The following RET variants were observed in gnomAD, a reference collection of about 807,000 sequenced individuals.
The protein encoded by RET is proto-oncogene tyrosine-protein kinase receptor Ret.
Under a neutral mutation model 118.3 loss-of-function variants are expected in RET, and 19 were observed. That is an observed-to-expected ratio of 0.16 (90% CI 0.11 to 0.24). The LOEUF (loss-of-function observed/expected upper bound fraction) is 0.24. Ranked by LOEUF, RET falls within the 10% of genes least tolerant of loss-of-function variation. The pLI is 1.00. For synonymous variants in RET, 597 were observed against 644.1 expected, an observed-to-expected ratio of 0.93 and a Z score of 1.11; for missense variants, 1,219 against 1,502.1, an observed-to-expected ratio of 0.81 and a Z score of 3.12.
chr10:43,095,494 A>T (rs1837503549), intron 1 of RET, among the ~76,000 whole-genome samples: 1 of 152,140 alleles, frequency 6.6e-6, no homozygotes, highest in South Asian at 2.1e-4. Flanking sequence ...GAGTGTGTGG[A>T]TTGACAAGGT....
chr10:43,095,055 C>G (rs1160380509), intron 1 of RET, among the ~76,000 whole-genome samples: 1 of 152,098 alleles, frequency 6.6e-6, no homozygotes, highest in South Asian at 2.1e-4. Context: ...GTGGGGCACC[C>G]TCAGCTGCAG....
chr10:43,122,459 A>C (rs1159933127), intron 16 of RET, among the ~76,000 whole-genome samples: 1 of 152,138 alleles, frequency 6.6e-6, no homozygotes, highest in African/African-American at 2.4e-5. Context: ...GCCTTGTGTG[A>C]GTTTATAGAT....
rs889851602 is a variant in RET, at chr10:43,077,966, C to T, written c.73+635C>T. 1.6e-4 allele frequency among the ~76,000 whole-genome samples: 24 copies of T among 152,358 alleles called. 1 individual carries two copies. Among genetic ancestry groups the T allele is most frequent in the African/African-American group, 5.5e-4 (23 of 41,600 alleles). Reference sequence around the variant, plus strand: ...CCGCCGTGATAGGCGTCCCACCCGGCAGCCCTGGAGTCGTGTGGCGCTGCC... The same window carrying T: ...CCGCCGTGATAGGCGTCCCACCCGGTAGCCCTGGAGTCGTGTGGCGCTGCC... On this transcript the variant is annotated intron_variant, in intron 1 of 19. Transcript: ENST00000355710.
In RET at chr10:43,115,840, A is replaced by G. The variant is rs564936051; in HGVS notation, c.2137-744A>G. Among the ~76,000 whole-genome samples, 893 of 152,314 alleles carry G rather than the reference A, an allele frequency of 5.9e-3. 5 individuals are homozygous for G. Among genetic ancestry groups the G allele is most frequent in the Non-Finnish European group, 9.3e-3 (630 of 68,014 alleles). On this transcript the variant is annotated intron_variant, in intron 11 of 19. Coordinates refer to ENST00000355710, the MANE Select transcript of RET (RefSeq NM_020975.6). ...TGCCAGCTGTGGAGGTGACAGCGGC[A>G]GGGAAGCCATGGCAGTGTCGACACT...
Position 43,118,416 on chromosome 10 carries a change from C to G in RET, c.2328C>G (p.Phe776Leu). 1 of 1,614,152 alleles carries G rather than the reference C, an allele frequency of 6.2e-7. No homozygotes were observed. The highest frequency in any genetic ancestry group is 8.5e-7 in the Non-Finnish European group (1 of 1,180,026). Residue 776 changes from phenylalanine (F) to leucine (L), a missense_variant, in exon 13 of 20, where the codon TTC (phenylalanine) becomes TTG (leucine). Phe to Leu is a conservative substitution (Grantham distance 22). Around this residue, in one of 5 missense-constraint regions of RET, gnomAD observed 850 missense variants for 969.6 expected, o/e 0.88. Coordinates refer to ENST00000355710, the MANE Select transcript of RET (RefSeq NM_020975.6). ...AGCTGCGAGACCTGCTGTCAGAGTTCAACGTCCTGAAGCAGGTCAACCACC... is the reference window on the plus strand; with the variant it reads ...AGCTGCGAGACCTGCTGTCAGAGTTGAACGTCCTGAAGCAGGTCAACCACC... Reference protein sequence around the residue: ...PSELRDLLSEFNVLKQVNHPH... With the variant: ...PSELRDLLSELNVLKQVNHPH...
In RET at chr10:43,104,590, C is replaced by T. The variant is rs1170187935; in HGVS notation, c.626-362C>T. The T allele has an allele frequency of 1.5e-5, 6 of 405,088 alleles. 2 individuals carry two copies. In the South Asian group the frequency reaches 1.7e-4, roughly 11 times the overall value. The allele number at this position is 405,088 out of a possible 1,614,324, so 25.1% of individuals were successfully genotyped here. A position where few individuals can be genotyped will look rare whatever the true frequency, so the allele number is the denominator to read the frequency against. On this transcript the variant is annotated intron_variant, in intron 3 of 19. Transcript: ENST00000355710. ...AGTGCAGCTTGGGCTGAGGCAAAGCCACCCTTCCCCACACAAGGCCACTCC... is the reference window on the plus strand; with the variant it reads ...AGTGCAGCTTGGGCTGAGGCAAAGCTACCCTTCCCCACACAAGGCCACTCC...
At chr10:43,123,932 G>A in intron 17 of RET, 124 bp downstream of exon 17, 1 of 1,453,834 alleles carries the variant, frequency 6.9e-7, no homozygotes, top group South Asian at 1.2e-5. Context: ...GGAGTGGGCA[G>A]GGCAGAGGTT....
At position 43,077,826 on chromosome 10, in the gene RET, C is replaced by T. The variant is rs560774772; in HGVS notation, c.73+495C>T. On this transcript the variant is annotated intron_variant, in intron 1 of 19. Coordinates refer to ENST00000355710, the MANE Select transcript of RET (RefSeq NM_020975.6). Reference sequence around the variant, plus strand: ...CCTCCCCCAGCTCTGCCGTCCTGGCCAGCCGAGGGATTCGGAGGCTCTTTT... The same window carrying T: ...CCTCCCCCAGCTCTGCCGTCCTGGCTAGCCGAGGGATTCGGAGGCTCTTTT... Among the ~76,000 whole-genome samples, 18 of 152,368 alleles carry T rather than the reference C, an allele frequency of 1.2e-4. No homozygotes were observed. In the East Asian group the frequency reaches 2.7e-3, roughly 23 times the overall value.
intron 2 of RET, among the ~76,000 whole-genome samples, chr10:43,101,142 C>T (rs1459644135): frequency 6.6e-6 from 1 of 152,196 alleles, no homozygotes; most frequent in African/African-American, 2.4e-5. Flanking sequence ...CAGCTGGCTG[C>T]CCTTGTACCT....
intron 12 of RET, 21 bp from the exon 13 acceptor site, chr10:43,118,352 C>A (rs758761904): frequency 6.3e-7 from 1 of 1,597,290 alleles, no homozygotes; most frequent in Non-Finnish European, 8.6e-7. Flanking sequence ...CGTTTGCAAC[C>A]TGCTCTGTGC....
rs1275748857 is a variant in RET, at chr10:43,100,626, C to G, written c.241C>G (p.His81Asp). ...HLYGTYRTRLHENNWICIQED... is the reference protein window; with the variant it reads ...HLYGTYRTRLDENNWICIQED... ...CTACGGCACGTACCGCACACGGCTG[C>G]ATGAGAACAACTGGATCTGCATCCA... The change falls in exon 2 of 20, where the codon CAT becomes GAT. Residue 81 changes from histidine to aspartate, a missense_variant. Physicochemically the swap from His to Asp is moderately conservative, Grantham distance 81. This residue lies in a region of RET where 84 missense variants were observed against 163.6 expected (regional missense o/e 0.51). Coordinates refer to ENST00000355710, the MANE Select transcript of RET (RefSeq NM_020975.6). 6.2e-7 allele frequency: 1 copy of G among 1,613,750 alleles called. No individual in the cohort carries two copies. Among genetic ancestry groups the G allele is most frequent in the Non-Finnish European group, 8.5e-7 (1 of 1,180,002 alleles).
intron 1 of RET, among the ~76,000 whole-genome samples, chr10:43,090,085 G>C (rs1564485992): frequency 6.6e-6 from 1 of 152,230 alleles, no homozygotes; most frequent in South Asian, 2.1e-4. Flanking sequence ...GCACATACCA[G>C]GCTCTGTGTA....
rs375894027 is a variant in RET at position 43,119,956 on chromosome 10, C to T, written c.2608-125C>T. Reference sequence around the variant, plus strand: ...CCACGCCCCTGCCATGCCACACCCCCGGCCCAGGTCTCACCAGGCCGCTAC... The same window carrying T: ...CCACGCCCCTGCCATGCCACACCCCTGGCCCAGGTCTCACCAGGCCGCTAC... On this transcript the variant is annotated intron_variant, in intron 14 of 19. Coordinates refer to ENST00000355710, the MANE Select transcript of RET (RefSeq NM_020975.6). 2.4e-4 allele frequency: 349 copies of T among 1,455,120 alleles called. 6 individuals are homozygous for T. In the East Asian group the frequency reaches 4.6e-3, roughly 19 times the overall value. 90.1% of individuals were successfully genotyped at this position (1,455,120 alleles called of 1,614,324 possible). A position where few individuals can be genotyped will look rare whatever the true frequency, so the allele number is the denominator to read the frequency against.
chr10:43,077,077 G>C lies in RET; in HGVS notation c.-182G>C. 1.2e-6 allele frequency: 1 copy of C among 844,118 alleles called. No homozygotes were observed. Among genetic ancestry groups the C allele is most frequent in the Non-Finnish European group, 1.5e-6 (1 of 657,572 alleles). 52.3% of individuals were successfully genotyped at this position (844,118 alleles called of 1,614,324 possible). Reference sequence around the variant, plus strand: ...GGCGCTTACCTCGCTTCAGTCCCGCGACCGAAGCAGGGCGCGCAGCAGCGC... The same window carrying C: ...GGCGCTTACCTCGCTTCAGTCCCGCCACCGAAGCAGGGCGCGCAGCAGCGC... On this transcript the variant is annotated 5_prime_UTR_variant, in exon 1 of 20. Transcript: ENST00000355710.
intron 2 of RET, 103 bp downstream of exon 2, chr10:43,100,825 C>G (rs945970873): frequency 9.2e-6 from 12 of 1,300,960 alleles, no homozygotes; most frequent in Admixed American, 2.0e-5. Flanking sequence ...GGCTTCCCCC[C>G]CACCGCTGGT....
chr10:43,118,331 C>G, intron 12 of RET, 42 bp from the exon 13 acceptor site: 1 of 1,522,850 alleles, frequency 6.6e-7, no homozygotes, highest in Non-Finnish European at 9.1e-7. Context: ...GAAGGGGCTT[C>G]CAGGAGCGAT....
intron 12 of RET, among the ~76,000 whole-genome samples, chr10:43,117,404 G>A (rs1484083138): frequency 6.6e-6 from 1 of 152,224 alleles, no homozygotes; most frequent in African/African-American, 2.4e-5. Flanking sequence ...CAGGGGCACA[G>A]GGAGACCCTT....
At chr10:43,093,770 G>T (rs537533191) in intron 1 of RET, among the ~76,000 whole-genome samples, 6 of 150,524 alleles carry the variant, frequency 4.0e-5, no homozygotes, top group African/African-American at 1.5e-4. Flanking sequence ...GCTGAAAGAC[G>T]GGAGCCAGAC....
In RET at chr10:43,119,588, G is replaced by A. The variant is rs1345166214; in HGVS notation, c.2450G>A (p.Arg817His). Reference sequence around the variant, plus strand: ...TACGGCTCCCTGCGGGGCTTCCTCCGCGAGAGCCGCAAAGTGGGGCCTGGC... The same window carrying A: ...TACGGCTCCCTGCGGGGCTTCCTCCACGAGAGCCGCAAAGTGGGGCCTGGC... ...AKYGSLRGFL[R>H]ESRKVGPGYL... Residue 817 changes from arginine to histidine, a missense_variant, in exon 14 of 20, where the codon CGC becomes CAC. Transcript: ENST00000355710. 6.2e-7 allele frequency: 1 copy of A among 1,611,666 alleles called. No homozygotes were observed. The highest frequency in any genetic ancestry group is 8.5e-7 in the Non-Finnish European group (1 of 1,179,776).
Sources: allele counts gnomAD v4.1 joint callset (sites outside exome capture counted in the v4.1 genomes callset), GRCh38; gene constraint gnomAD v4.1.1; regional missense constraint gnomAD v4.1.1; transcripts MANE v1.5; gene names NCBI Gene and HGNC (gene_info 2026-07-23, HGNC 2026-07-21).